The following ITCH variants were observed in gnomAD, a reference collection of about 807,000 sequenced individuals.
ITCH encodes the protein itchy E3 ubiquitin protein ligase, also known as E3 ubiquitin-protein ligase Itchy homolog.
Under a neutral mutation model 126.8 loss-of-function variants are expected in ITCH, and 28 were observed. That is an observed-to-expected ratio of 0.22 (90% CI 0.16 to 0.30). The LOEUF (loss-of-function observed/expected upper bound fraction) is 0.30, where lower values mean the gene tolerates loss of function less well. Ranked by LOEUF, ITCH falls within the 10% of genes least tolerant of loss-of-function variation. ITCH has a pLI of 1.00. For missense variants in ITCH, 631 were observed against 1,032.4 expected, an observed-to-expected ratio of 0.61 and a Z score of 5.33; for synonymous variants, 342 against 340.0, an observed-to-expected ratio of 1.01 and a Z score of -0.06.
intron 14 of ITCH, among the ~76,000 whole-genome samples, chr20:34,466,071 G>A (rs1987026068): frequency 6.6e-6 from 1 of 152,046 alleles, no homozygotes; most frequent in African/African-American, 2.4e-5. Context: ...TATTGAGGTA[G>A]TTTCCCTCTA....
At chr20:34,473,488 T>C (rs554880564) in intron 16 of ITCH, among the ~76,000 whole-genome samples, 1 of 152,298 alleles carries the variant, frequency 6.6e-6, no homozygotes, top group East Asian at 1.9e-4. Context: ...CCTGGGGCTG[T>C]GCGACCTGTC....
chr20:34,444,573 G>C (rs530182884), intron 10 of ITCH, among the ~76,000 whole-genome samples: 2 of 152,184 alleles, frequency 1.3e-5, no homozygotes, highest in Non-Finnish European at 1.5e-5. Context: ...GGCAACAAGA[G>C]GGAAACTCTG....
chr20:34,442,078 C>T (rs1177293166), intron 9 of ITCH, 130 bp from the exon 10 acceptor site: 1 of 720,704 alleles, frequency 1.4e-6, no homozygotes, highest in Admixed American at 2.1e-5. Context: ...GTATTTGTAT[C>T]ATCTTTCTAA....
intron 16 of ITCH, chr20:34,476,467 G>A: frequency 1.6e-6 from 2 of 1,216,156 alleles, no homozygotes; most frequent in Non-Finnish European, 2.0e-6. Flanking sequence ...GCCCCCAGCG[G>A]CAGCCATCGC....
At chr20:34,481,794 C>T (rs1312606880) in intron 20 of ITCH, among the ~76,000 whole-genome samples, 5 of 152,146 alleles carry the variant, frequency 3.3e-5, no homozygotes, top group East Asian at 3.9e-4. Context: ...AGGCAGATCA[C>T]AAGGTCAGGA....
At chr20:34,438,420 A>G (rs930075854) in intron 7 of ITCH, 54 bp from the exon 8 acceptor site, 4 of 1,579,306 alleles carry the variant, frequency 2.5e-6, no homozygotes, top group African/African-American at 1.3e-5. Flanking sequence ...TCTTAAATTC[A>G]AGGAGTATTC....
At chr20:34,371,340 G>A (rs1447983494) in intron 2 of ITCH, among the ~76,000 whole-genome samples, 5 of 133,844 alleles carry the variant, frequency 3.7e-5, no homozygotes, top group Non-Finnish European at 7.6e-5. Flanking sequence ...GCAATGGCAC[G>A]ATCTTGGCTC....
chr20:34,458,776 T>A (rs1450840537), intron 13 of ITCH, among the ~76,000 whole-genome samples: 1 of 152,218 alleles, frequency 6.6e-6, no homozygotes, highest in Non-Finnish European at 1.5e-5. Context: ...TTCCTGTTTA[T>A]AAGGACGTCA....
chr20:34,480,179 A>G (rs373940563), intron 18 of ITCH, among the ~76,000 whole-genome samples: 82 of 151,904 alleles, frequency 5.4e-4, no homozygotes, highest in African/African-American at 2.0e-3. Flanking sequence ...GATTACAGGT[A>G]TAAGTCACCG....
chr20:34,497,453 A>G (rs540309762), intron 23 of ITCH, among the ~76,000 whole-genome samples: 2 of 152,324 alleles, frequency 1.3e-5, no homozygotes, highest in African/African-American at 4.8e-5. Flanking sequence ...CTTGAAGTCC[A>G]GTAGTGTGAT....
At chr20:34,375,773 GA>G (rs2037821057) in intron 2 of ITCH, among the ~76,000 whole-genome samples, 2 of 135,296 alleles carry the variant, frequency 1.5e-5, no homozygotes, top group Admixed American at 1.7e-4. Context: ...AGCACTTTGG[GA>G]GGCCAAGGTG....
intron 2 of ITCH, among the ~76,000 whole-genome samples, chr20:34,373,499 C>T (rs2037719473): frequency 6.6e-6 from 1 of 152,260 alleles, no homozygotes; most frequent in East Asian, 1.9e-4. Context: ...TGGTCTCAAA[C>T]TCCTGACTTC....
intron 4 of ITCH, among the ~76,000 whole-genome samples, chr20:34,410,800 G>A (rs937358906): frequency 3.9e-5 from 6 of 152,228 alleles, no homozygotes; most frequent in African/African-American, 9.6e-5. Flanking sequence ...CTTTGAGTGC[G>A]TACTTGATAT....
At chr20:34,435,455 C>A (rs1982890107) in intron 7 of ITCH, among the ~76,000 whole-genome samples, 1 of 152,166 alleles carries the variant, frequency 6.6e-6, no homozygotes, top group African/African-American at 2.4e-5. Flanking sequence ...AGGCGTGAGC[C>A]ACTGCAGCCG....
At chr20:34,504,868 G>C (rs1049784210) in intron 24 of ITCH, among the ~76,000 whole-genome samples, 10 of 151,994 alleles carry the variant, frequency 6.6e-5, no homozygotes, top group Non-Finnish European at 1.3e-4. Flanking sequence ...GTCCTTCCTG[G>C]ATATCTGACC....
intron 3 of ITCH, among the ~76,000 whole-genome samples, chr20:34,403,929 T>C (rs2038968297): frequency 6.6e-6 from 1 of 152,134 alleles, no homozygotes; most frequent in South Asian, 2.1e-4. Context: ...AAGATTTGTT[T>C]TAGTAGGAGG....
rs1984315291 is a variant in ITCH at position 34,445,296 on chromosome 20, G to A, written c.975G>A (p.Arg325=). The A allele has an allele frequency of 5.0e-6, 8 of 1,609,218 alleles. No individual in the cohort carries two copies. The highest frequency in any genetic ancestry group is 2.2e-5 in the East Asian group (1 of 44,818). The change falls in exon 11 of 25, where the codon CGG becomes CGA. Residue 325 remains arginine (R), a synonymous_variant. Coordinates refer to ENST00000374864, the MANE Select transcript of ITCH (RefSeq NM_031483.7). ...TTTTTTTCTGATTTAGCTGGGAACGGCGGGTTGACAACATGGGACGTATTT... is the reference window on the plus strand; with the variant it reads ...TTTTTTTCTGATTTAGCTGGGAACGACGGGTTGACAACATGGGACGTATTT... ...RPEPLPPGWE[R]RVDNMGRIYY... is the part of the protein sequence containing the mutation.
intron 2 of ITCH, among the ~76,000 whole-genome samples, chr20:34,384,654 G>A (rs1345222899): frequency 1.6e-5 from 2 of 124,716 alleles, no homozygotes; most frequent in Non-Finnish European, 1.6e-5. Flanking sequence ...GTGGATATTA[G>A]GGTCTTTTTT....
chr20:34,454,817 GTTTTTTT>G (rs200486269), intron 12 of ITCH, among the ~76,000 whole-genome samples: 33 of 109,550 alleles, frequency 3.0e-4, no homozygotes, highest in African/African-American at 5.7e-4. Flanking sequence ...TTCTTTTCCT[GTTTTTTT>G]TTTTTTTTTT....
Sources: gnomAD v4.1 joint callset for allele counts (sites outside exome capture counted in the v4.1 genomes callset) on GRCh38, gnomAD v4.1.1 for gene constraint, MANE v1.5 for transcripts, NCBI Gene and HGNC (gene_info 2026-07-23, HGNC 2026-07-21) for gene names.